The following ASPH variants were observed in gnomAD, a reference collection of about 807,000 sequenced individuals.
ASPH encodes aspartate beta-hydroxylase.
In ASPH, 100 loss-of-function variants were observed where a neutral mutation model predicts 118.4. The ratio of observed to expected loss-of-function variants is 0.84; its 90% CI spans 0.72 to 1.00. ASPH has a LOEUF of 1.00. Among genes scored for constraint, ASPH ranks in the 50% least tolerant of loss-of-function variants. ASPH has a pLI of 0.00. For synonymous variants in ASPH, 315 were observed against 325.6 expected, an observed-to-expected ratio of 0.97 and a Z score of 0.35; for missense variants, 920 against 919.5, an observed-to-expected ratio of 1.00 and a Z score of -0.01.
intron 1 of ASPH, among the ~76,000 whole-genome samples, chr8:61,710,172 G>A (rs1051543275): frequency 2.0e-5 from 3 of 152,188 alleles, no homozygotes; most frequent in Non-Finnish European, 4.4e-5. Context: ...AAAGAAAGTA[G>A]ATAATAATTC....
chr8:61,653,467 T>C, intron 4 of ASPH, 101 bp downstream of exon 4: 1 of 1,096,072 alleles, frequency 9.1e-7, no homozygotes, highest in Non-Finnish European at 1.3e-6. Flanking sequence ...ATTCTGTAAA[T>C]GATGTGAAAC....
At chr8:61,566,459 T>C (rs1284268121) in intron 17 of ASPH, among the ~76,000 whole-genome samples, 2 of 152,230 alleles carry the variant, frequency 1.3e-5, no homozygotes, top group Non-Finnish European at 2.9e-5. Context: ...GTGAACATCG[T>C]TGAAATGGCA....
At chr8:61,713,340 T>C (rs1838520854) in intron 1 of ASPH, among the ~76,000 whole-genome samples, 1 of 152,228 alleles carries the variant, frequency 6.6e-6, no homozygotes, top group African/African-American at 2.4e-5. Flanking sequence ...CAAGTTCAGA[T>C]AGTGACAAGT....
At chr8:61,638,423 A>C in intron 10 of ASPH, 60 bp from the exon 11 acceptor site, 1 of 1,416,896 alleles carries the variant, frequency 7.1e-7, no homozygotes, top group Non-Finnish European at 9.8e-7. Flanking sequence ...AAAAACTGAC[A>C]ACATGCTTTA....
chr8:61,541,873 C>A (rs1822095700), intron 21 of ASPH, among the ~76,000 whole-genome samples: 1 of 151,838 alleles, frequency 6.6e-6, no homozygotes, highest in African/African-American at 2.4e-5. Flanking sequence ...AGAAAAAAGC[C>A]CAAGGAAATA....
At chr8:61,525,186 GT>G (rs1167219376) in intron 22 of ASPH, among the ~76,000 whole-genome samples, 3 of 152,112 alleles carry the variant, frequency 2.0e-5, no homozygotes, top group African/African-American at 7.2e-5. Flanking sequence ...TTTGTTTTCT[GT>G]AGCTGAAGAT....
chr8:61,513,952 A>G (rs1164657041), intron 24 of ASPH, among the ~76,000 whole-genome samples: 1 of 152,026 alleles, frequency 6.6e-6, no homozygotes, highest in Non-Finnish European at 1.5e-5. Flanking sequence ...GCACCTACAA[A>G]TGTGCTCCTG....
At chr8:61,712,170 G>A (rs112278118) in intron 1 of ASPH, among the ~76,000 whole-genome samples, 8 of 152,232 alleles carry the variant, frequency 5.3e-5, no homozygotes, top group African/African-American at 1.9e-4. Context: ...AAACTAAATG[G>A]GTCTCACAGT....
intron 1 of ASPH, among the ~76,000 whole-genome samples, chr8:61,698,626 G>A (rs1486699515): frequency 6.6e-6 from 1 of 152,162 alleles, no homozygotes; most frequent in Non-Finnish European, 1.5e-5. Flanking sequence ...GAGGTTGGGG[G>A]TGGGGCTGAA....
intron 5 of ASPH, 50 bp from the exon 6 acceptor site, chr8:61,646,928 A>T: frequency 6.2e-7 from 1 of 1,610,580 alleles, no homozygotes; most frequent in Non-Finnish European, 8.5e-7. Flanking sequence ...GAGACATGAA[A>T]GCCCCTTGTG....
At chr8:61,668,301 A>C in intron 3 of ASPH, 1 of 1,589,956 alleles carries the variant, frequency 6.3e-7, no homozygotes, top group Non-Finnish European at 8.6e-7. Flanking sequence ...AGATGAAAAT[A>C]GGTTATAAAC....
At chr8:61,512,887 C>T (rs530565156) in intron 24 of ASPH, among the ~76,000 whole-genome samples, 1 of 152,214 alleles carries the variant, frequency 6.6e-6, no homozygotes, top group South Asian at 2.1e-4. Context: ...TGGGATAAAA[C>T]AATACATTTT....
chr8:61,624,197 T>C lies in ASPH; in HGVS notation c.935-5178A>G, dbSNP rs945650173. On this transcript the variant is annotated intron_variant, in intron 13 of 24. Transcript: ENST00000379454. ...GAAATATCTCATATAGTCAAATTTATACATCTATTATATACTCACAAAAAT... is the reference window on the plus strand; with the variant it reads ...GAAATATCTCATATAGTCAAATTTACACATCTATTATATACTCACAAAAAT... The C allele has an allele frequency of 6.3e-6, 6 of 957,448 alleles. No homozygotes were observed. In the East Asian group the frequency reaches 4.6e-4, roughly 73 times the overall value. The allele number at this position is 957,448 out of a possible 1,614,324, so 59.3% of individuals were successfully genotyped here. A position where few individuals can be genotyped will look rare whatever the true frequency, so the allele number is the denominator to read the frequency against.
intron 1 of ASPH, among the ~76,000 whole-genome samples, chr8:61,694,462 T>C (rs1833454689): frequency 2.0e-5 from 3 of 152,104 alleles, no homozygotes; most frequent in African/African-American, 7.2e-5. Context: ...GGCTCCAGCA[T>C]AGTGGCTCTA....
intron 14 of ASPH, 69 bp from the exon 15 acceptor site, chr8:61,584,098 T>A: frequency 9.8e-7 from 1 of 1,017,860 alleles, no homozygotes; most frequent in Non-Finnish European, 1.4e-6. Flanking sequence ...CATAACAATT[T>A]ACAAGTAGTG....
chr8:61,517,366 C>A, intron 24 of ASPH, 162 bp downstream of exon 24: 1 of 1,015,800 alleles, frequency 9.8e-7, no homozygotes, highest in South Asian at 1.8e-5. Flanking sequence ...TAATAGAAAG[C>A]ACCAAGAAGG....
At chr8:61,663,727 A>T (rs1818098970) in intron 3 of ASPH, 1 of 972,008 alleles carries the variant, frequency 1.0e-6, no homozygotes, top group Admixed American at 6.2e-5. Flanking sequence ...TTTTTAAGCA[A>T]TAAAATAACA....
intron 6 of ASPH, among the ~76,000 whole-genome samples, chr8:61,645,565 A>G (rs1308578523): frequency 6.6e-6 from 1 of 152,250 alleles, no homozygotes; most frequent in African/African-American, 2.4e-5. Context: ...AATGATTACT[A>G]AAGGCATAAA....
intron 17 of ASPH, among the ~76,000 whole-genome samples, chr8:61,564,460 G>A (rs139772914): frequency 0.011 from 1,619 of 152,066 alleles, 28 homozygotes; most frequent in African/African-American, 0.036. Context: ...CACTATGCCC[G>A]GCTAATTTTT....
Sources: gnomAD v4.1 joint callset for allele counts (sites outside exome capture counted in the v4.1 genomes callset) on GRCh38, gnomAD v4.1.1 for gene constraint, MANE v1.5 for transcripts, NCBI Gene and HGNC (gene_info 2026-07-23, HGNC 2026-07-21) for gene names.